ROCK2: variants seen among roughly 807,000 people sequenced by gnomAD.
ROCK2 encodes Rho associated coiled-coil containing protein kinase 2, also known as rho-associated protein kinase 2.
ROCK2 carries 61 observed loss-of-function variants against 195.1 expected under a neutral mutation model. The ratio of observed to expected loss-of-function variants is 0.31; its 90% confidence interval spans 0.25 to 0.39. The LOEUF is 0.39. Ranked by LOEUF, ROCK2 falls within the 10% of genes least tolerant of loss-of-function variation. The pLI is 1.00. For missense variants in ROCK2, 1,109 were observed against 1,637.4 expected, an observed-to-expected ratio of 0.68 and a Z score of 5.57; for synonymous variants, 504 against 545.5, an observed-to-expected ratio of 0.92 and a Z score of 1.06.
chr2:11,287,160 A>C (rs1379726152), intron 2 of ROCK2, among the ~76,000 whole-genome samples: 1 of 152,198 alleles, frequency 6.6e-6, no homozygotes, highest in Non-Finnish European at 1.5e-5. Flanking sequence ...GTATACATTA[A>C]TTGTTTTGAG....
intron 3 of ROCK2, among the ~76,000 whole-genome samples, chr2:11,253,496 T>C (rs1235933318): frequency 6.6e-6 from 1 of 152,244 alleles, no homozygotes; most frequent in African/African-American, 2.4e-5. Context: ...GAACTCACTG[T>C]TCTCAACCAT....
chr2:11,224,694 T>G (rs1354732439), intron 6 of ROCK2, among the ~76,000 whole-genome samples: 1 of 151,134 alleles, frequency 6.6e-6, no homozygotes, highest in East Asian at 1.9e-4. Context: ...CAAAATAAAA[T>G]CAATGATAAC....
chr2:11,193,483 A>T (rs983270869), intron 30 of ROCK2, among the ~76,000 whole-genome samples: 1 of 152,102 alleles, frequency 6.6e-6, no homozygotes, highest in African/African-American at 2.4e-5. Context: ...ATTCATGTTT[A>T]AAAAAAAGTC....
At chr2:11,309,062 C>A (rs1446599106) in intron 1 of ROCK2, 2 of 1,426,790 alleles carry the variant, frequency 1.4e-6, no homozygotes, top group Middle Eastern at 2.6e-4. Context: ...GACCAGTAGG[C>A]CGGAGGGAGT....
At position 11,215,061 on chromosome 2, in the gene ROCK2, C is replaced by T. The variant is rs747260728; in HGVS notation, c.1715G>A (p.Arg572Gln). The stretch of plus-strand genomic sequence containing the variant: ...CCGGGCTGCAGTATCAGACTCTGTT[C>T]GCAGTAAAGCATTGGTTTCATCCAG... ...RQLDETNALL[R>Q]TESDTAARLR... The change falls in exon 16 of 33, where the codon CGA becomes CAA. Residue 572 changes from arginine (R) to glutamine (Q), a missense_variant. Arg to Gln is a conservative substitution (Grantham distance 43). Transcript: ENST00000315872. 5 of 1,613,996 alleles carry T rather than the reference C, an allele frequency of 3.1e-6. No homozygotes were observed. Among genetic ancestry groups the T allele is most frequent in the East Asian group, 2.2e-5 (1 of 44,866 alleles).
intron 3 of ROCK2, among the ~76,000 whole-genome samples, chr2:11,257,091 A>G (rs1666061708): frequency 6.6e-6 from 1 of 151,604 alleles, no homozygotes; most frequent in Admixed American, 6.6e-5. Flanking sequence ...TACAAAGATT[A>G]TATTAATAGA....
chr2:11,225,845 C>T (rs908437293), intron 6 of ROCK2, among the ~76,000 whole-genome samples: 2 of 152,000 alleles, frequency 1.3e-5, no homozygotes, highest in Non-Finnish European at 2.9e-5. Flanking sequence ...CTTTGAAAGG[C>T]CCAAAATAAA....
intron 10 of ROCK2, 117 bp from the exon 11 acceptor site, chr2:11,218,583 AGTTTG>A: frequency 3.0e-6 from 2 of 674,788 alleles, no homozygotes; most frequent in Non-Finnish European, 2.4e-6. Flanking sequence ...AGCTTTCATA[AGTTTG>A]AAGAAAAAAT....
intron 3 of ROCK2, among the ~76,000 whole-genome samples, chr2:11,268,416 T>C (rs1487300160): frequency 3.3e-5 from 5 of 152,152 alleles, no homozygotes; most frequent in African/African-American, 7.2e-5. Flanking sequence ...TTTTGAAATA[T>C]GCCACAGCAT....
chr2:11,210,909 A>G (rs1664225877), intron 18 of ROCK2, among the ~76,000 whole-genome samples: 1 of 152,176 alleles, frequency 6.6e-6, no homozygotes, highest in African/African-American at 2.4e-5. Context: ...TACCATTTTA[A>G]TTACATGCAA....
At chr2:11,191,245 GTAGT>G (rs1663411304) in intron 32 of ROCK2, among the ~76,000 whole-genome samples, 1 of 152,164 alleles carries the variant, frequency 6.6e-6, no homozygotes, top group Non-Finnish European at 1.5e-5. Flanking sequence ...AAATGCTGAA[GTAGT>G]TAGTAAGCCA....
intron 1 of ROCK2, among the ~76,000 whole-genome samples, chr2:11,328,865 A>G (rs1668628257): frequency 6.8e-6 from 1 of 146,382 alleles, no homozygotes; most frequent in Non-Finnish European, 1.5e-5. Context: ...GGAACTGAAC[A>G]ATGAGAACAC....
chr2:11,236,848 C>T (rs1665224680), intron 4 of ROCK2, among the ~76,000 whole-genome samples: 1 of 152,156 alleles, frequency 6.6e-6, no homozygotes, highest in Admixed American at 6.5e-5. Context: ...AAACCGAAGA[C>T]AGCTTTAAAA....
At chr2:11,308,834 G>C in intron 1 of ROCK2, 1 of 1,611,540 alleles carries the variant, frequency 6.2e-7, no homozygotes, top group Non-Finnish European at 8.5e-7. Context: ...TGGGCCAAAT[G>C]TAATAGAACT....
At chr2:11,214,780 A>C (rs1429916446) in intron 16 of ROCK2, 60 bp downstream of exon 16, 1 of 1,469,074 alleles carries the variant, frequency 6.8e-7, no homozygotes, top group Non-Finnish European at 9.2e-7. Context: ...CCATCATCTA[A>C]AGTTATTTTT....
intron 4 of ROCK2, among the ~76,000 whole-genome samples, chr2:11,243,889 T>C (rs945695711): frequency 6.6e-5 from 10 of 152,350 alleles, no homozygotes; most frequent in Admixed American, 3.9e-4. Context: ...GAAAACTGTA[T>C]TGGGGATAGA....
At chr2:11,308,759 A>C in intron 1 of ROCK2, 1 of 1,612,840 alleles carries the variant, frequency 6.2e-7, no homozygotes, top group Non-Finnish European at 8.5e-7. Context: ...CAAACACTAC[A>C]AGCCTAAAAA....
chr2:11,208,749 C>A (rs1664146860), intron 18 of ROCK2, among the ~76,000 whole-genome samples: 1 of 151,990 alleles, frequency 6.6e-6, no homozygotes, highest in African/African-American at 2.4e-5. Flanking sequence ...TGTGCCACCA[C>A]ACCCAGCTAA....
intron 12 of ROCK2, 126 bp from the exon 13 acceptor site, chr2:11,216,332 T>C: frequency 2.8e-6 from 2 of 712,586 alleles, no homozygotes; most frequent in Non-Finnish European, 4.7e-6. Flanking sequence ...GAAGTCTTGC[T>C]CTGTTGCCCA....
Sources: allele counts gnomAD v4.1 joint callset (sites outside exome capture counted in the v4.1 genomes callset), GRCh38; gene constraint gnomAD v4.1.1; transcripts MANE v1.5; gene names NCBI Gene and HGNC (gene_info 2026-07-23, HGNC 2026-07-21).